SH3KBP1: variants seen among roughly 807,000 people sequenced by gnomAD.
The protein encoded by SH3KBP1 is SH3 domain containing kinase binding protein 1.
Under a neutral mutation model 50.1 loss-of-function variants are expected in SH3KBP1, and 8 were observed. The observed-to-expected ratio is 0.16, with a 90% confidence interval of 0.09 to 0.29. The LOEUF is 0.29. SH3KBP1 is among the 10% of genes least tolerant of loss of function. The probability of loss-of-function intolerance (pLI) is 1.00; values close to 1 mark genes in which losing one functional copy is unlikely to be tolerated. For synonymous variants in SH3KBP1, 227 were observed against 218.6 expected, an observed-to-expected ratio of 1.04 and a Z score of -0.34; for missense variants, 377 against 535.2, an observed-to-expected ratio of 0.70 and a Z score of 2.92.
Position 19,569,092 on chromosome X carries a change from T to C in SH3KBP1, c.1384+11A>G, listed in dbSNP as rs375428750. ...TCTGCAAAGAGAAGCGAGAACACTG[T>C]CCTTACTCACCAATGTCATTGCTGC... On this transcript the variant is annotated intron_variant, in intron 13 of 17. Coordinates refer to ENST00000397821, the MANE Select transcript of SH3KBP1 (RefSeq NM_031892.3). 67 of 1,196,668 alleles carry C rather than the reference T, an allele frequency of 5.6e-5. No individual in the cohort carries two copies. In the African/African-American group the frequency reaches 8.4e-4, roughly 15 times the overall value.
At chrX:19,659,236 T>C (rs2062386690) in intron 6 of SH3KBP1, among the ~76,000 whole-genome samples, 1 of 106,182 alleles carries the variant, frequency 9.4e-6, no homozygotes, top group South Asian at 4.3e-4. Context: ...TGTCACAGCC[T>C]CCTGAGTAGC....
intron 12 of SH3KBP1, among the ~76,000 whole-genome samples, chrX:19,573,305 G>C (rs140409991): frequency 1.1e-3 from 123 of 111,075 alleles, no homozygotes; most frequent in Middle Eastern, 4.7e-3. Flanking sequence ...TTATTTTCTT[G>C]AGATGGAGTC....
At chrX:19,832,352 T>C (rs2067920412) in intron 2 of SH3KBP1, among the ~76,000 whole-genome samples, 1 of 111,955 alleles carries the variant, frequency 8.9e-6, no homozygotes, top group African/African-American at 3.2e-5. Flanking sequence ...CATTCTCTGG[T>C]TTAATCCTCT....
chrX:19,839,003 A>G (rs146695355), intron 1 of SH3KBP1, among the ~76,000 whole-genome samples: 89 of 111,220 alleles, frequency 8.0e-4, no homozygotes, highest in African/African-American at 2.7e-3. Context: ...GGGAAGACAC[A>G]TCAGATCTTA....
intron 12 of SH3KBP1, chrX:19,588,438 C>T (rs770976094): frequency 3.5e-5 from 41 of 1,157,690 alleles, no homozygotes; most frequent in Middle Eastern, 2.3e-4. Context: ...CACCCCTCAA[C>T]CTCACACTCA....
intron 2 of SH3KBP1, among the ~76,000 whole-genome samples, chrX:19,795,705 C>T (rs1010436995): frequency 9.0e-6 from 1 of 111,656 alleles, no homozygotes; most frequent in Non-Finnish European, 1.9e-5. Flanking sequence ...GCTGTTTGTG[C>T]GTAATTCACA....
At chrX:19,625,333 AT>A (rs996736982) in intron 8 of SH3KBP1, among the ~76,000 whole-genome samples, 1 of 108,323 alleles carries the variant, frequency 9.2e-6, no homozygotes, top group African/African-American at 3.4e-5. Flanking sequence ...TCCCGCCTGC[AT>A]TTTTTTTTGC....
chrX:19,616,699 G>C (rs1369722171), intron 8 of SH3KBP1, among the ~76,000 whole-genome samples: 1 of 111,586 alleles, frequency 9.0e-6, no homozygotes, highest in Non-Finnish European at 1.9e-5. Context: ...GTTACTTGCA[G>C]GTCAGCTTGA....
At chrX:19,552,697 A>T (rs889442006) in intron 13 of SH3KBP1, among the ~76,000 whole-genome samples, 1 of 110,376 alleles carries the variant, frequency 9.1e-6, no homozygotes, top group African/African-American at 3.3e-5. Flanking sequence ...TGCACGGAGG[A>T]ATCACCTGGA....
intron 7 of SH3KBP1, among the ~76,000 whole-genome samples, chrX:19,644,987 G>T (rs1412765364): frequency 8.9e-6 from 1 of 111,803 alleles, no homozygotes; most frequent in African/African-American, 3.3e-5. Context: ...CCAGTGGGAA[G>T]TCAAGGGTAA....
rs1205085757 is a variant in SH3KBP1, at chrX:19,683,955, C to T, written c.594G>A (p.Gly198=). Residue 198 remains glycine, a synonymous_variant, in exon 6 of 18, where the codon GGG becomes GGA. Transcript: ENST00000397821. ...GCTGGATTGCTGCAGTTGCCACTGT[C>T]CCGTTGGCACCTTCAGACTTGGTGC... ...SSSTKSEGAN[G]TVATAAIQPK... 8.3e-7 allele frequency: 1 copy of T among 1,210,523 alleles called. No homozygotes were observed. Among genetic ancestry groups the T allele is most frequent in the East Asian group, 3.0e-5 (1 of 33,835 alleles).
chrX:19,719,629 T>C (rs1482244063), intron 3 of SH3KBP1, among the ~76,000 whole-genome samples: 7 of 110,733 alleles, frequency 6.3e-5, no homozygotes, highest in African/African-American at 2.3e-4. Context: ...AAAAATGATA[T>C]GTGAATTAGC....
intron 7 of SH3KBP1, among the ~76,000 whole-genome samples, chrX:19,645,125 T>C (rs900329167): frequency 8.9e-6 from 1 of 112,014 alleles, no homozygotes; most frequent in Non-Finnish European, 1.9e-5. Flanking sequence ...TTGTTATATA[T>C]GGATAAACCC....
intron 5 of SH3KBP1, among the ~76,000 whole-genome samples, chrX:19,691,455 C>T (rs2063292752): frequency 1.0e-5 from 1 of 100,020 alleles, no homozygotes; most frequent in East Asian, 3.0e-4. Flanking sequence ...TATTTTCAGG[C>T]TTTATATTTA....
At chrX:19,553,942 A>AATATATATTAAAATATAAT (rs2065331194) in intron 13 of SH3KBP1, among the ~76,000 whole-genome samples, 1 of 67,123 alleles carries the variant, frequency 1.5e-5, no homozygotes. Context: ...TATAATATAT[A>AATATATATTAAAATATAAT]ATATATATTA....
intron 2 of SH3KBP1, among the ~76,000 whole-genome samples, chrX:19,784,986 C>T (rs1304761058): frequency 9.0e-6 from 1 of 110,852 alleles, no homozygotes; most frequent in Non-Finnish European, 1.9e-5. Flanking sequence ...GGTTCAACTT[C>T]CTAATTATAA....
chrX:19,887,329 G>C lies in SH3KBP1; in HGVS notation c.-19C>G, dbSNP rs1490569789. On this transcript the variant is annotated 5_prime_UTR_variant, in exon 1 of 18. Transcript: ENST00000397821. Reference sequence around the variant, plus strand: ...CACCCATTGGCGTCGAGCCGGGCCGGGCCGCCGAGGCAGCGTGAAAGTTGG... The same window carrying C: ...CACCCATTGGCGTCGAGCCGGGCCGCGCCGCCGAGGCAGCGTGAAAGTTGG... The C allele has an allele frequency of 3.1e-6, 3 of 976,248 alleles. No homozygotes were observed. Among genetic ancestry groups the C allele is most frequent in the Non-Finnish European group, 3.9e-6 (3 of 775,027 alleles). 80.5% of individuals were successfully genotyped at this position (976,248 alleles called of 1,213,427 possible).
intron 2 of SH3KBP1, among the ~76,000 whole-genome samples, chrX:19,807,389 C>A (rs183141722): frequency 9.0e-6 from 1 of 111,605 alleles, no homozygotes; most frequent in Non-Finnish European, 1.9e-5. Flanking sequence ...CAGTGCAGAC[C>A]GAGGGAGGAT....
At chrX:19,816,306 A>G (rs1014348139) in intron 2 of SH3KBP1, among the ~76,000 whole-genome samples, 6 of 111,404 alleles carry the variant, frequency 5.4e-5, no homozygotes, top group African/African-American at 2.0e-4. Flanking sequence ...ACATCTGCAT[A>G]CTCTCTTCAG....
Sources: gnomAD v4.1 joint callset for allele counts (sites outside exome capture counted in the v4.1 genomes callset) on GRCh38, gnomAD v4.1.1 for gene constraint, MANE v1.5 for transcripts, NCBI Gene and HGNC (gene_info 2026-07-23, HGNC 2026-07-21) for gene names.